The following PCDHGA7 variants were observed in gnomAD, a reference collection of about 807,000 sequenced individuals.
PCDHGA7 encodes the protein protocadherin gamma-A7.
A neutral mutation model predicts 58.3 loss-of-function variants in PCDHGA7; 44 were observed. The observed-to-expected ratio is 0.75, with a 90% CI of 0.59 to 0.97. The LOEUF is 0.97. PCDHGA7 is among the 50% of genes least tolerant of loss of function. The pLI is 0.00. For missense variants in PCDHGA7, 1,266 were observed against 1,188.7 expected (o/e 1.06, Z -0.96); for synonymous variants, 516 against 504.2 (o/e 1.02, Z -0.31).
chr5:141,478,549 A>G lies in PCDHGA7; in HGVS notation c.2425-16258A>G, dbSNP rs369095515. 8 of 1,602,904 alleles carry G rather than the reference A, an allele frequency of 5.0e-6. No individual in the cohort carries two copies. In the African/African-American group the frequency reaches 1.1e-4, roughly 21 times the overall value. On this transcript the variant is annotated intron_variant, in intron 1 of 3. Coordinates refer to ENST00000518325, the MANE Select transcript of PCDHGA7 (RefSeq NM_018920.4). ...CAGAGAGCGCCCCTCCCGGACAGGT[A>G]AGGTTTAGCAAGTCATGCTTGACCC...
rs2099637746 is a variant in PCDHGA7, at chr5:141,486,980, A to G, written c.2425-7827A>G. Reference sequence around the variant, plus strand: ...TGCTGTGGACTTGGATTCAGGTTACAATGCTTGGGTTTCCTATCAGCTCCT... The same window carrying G: ...TGCTGTGGACTTGGATTCAGGTTACGATGCTTGGGTTTCCTATCAGCTCCT... On this transcript the variant is annotated intron_variant, in intron 1 of 3. Coordinates refer to ENST00000518325, the MANE Select transcript of PCDHGA7 (RefSeq NM_018920.4). This position sits in a 1 kb window ranked among gnomAD's most constrained non-coding sequence, Gnocchi z 5.0. The G allele has an allele frequency of 1.2e-6, 2 of 1,614,040 alleles. No individual in the cohort carries two copies. The highest frequency in any genetic ancestry group is 1.3e-5 in the African/African-American group (1 of 74,908).
At position 141,510,839 on chromosome 5, in the gene PCDHGA7, C is replaced by G. The variant is rs186647886; in HGVS notation, c.2573-108C>G. The stretch of plus-strand genomic sequence containing the variant: ...CTATATTCCCAGTGCTCAGCGTGGT[C>G]AAGGCCCAGGGTGCTGTATAGGCAT... On this transcript the variant is annotated intron_variant, in intron 3 of 3. Coordinates refer to ENST00000518325, the MANE Select transcript of PCDHGA7 (RefSeq NM_018920.4). The G allele has an allele frequency of 6.5e-5, 103 of 1,587,108 alleles. No individual in the cohort carries two copies. The East Asian group carries it at 1.6e-3, about 25-fold the overall frequency.
At chr5:141,461,394 G>A (rs2099014614) in intron 1 of PCDHGA7, among the ~76,000 whole-genome samples, 1 of 152,098 alleles carries the variant, frequency 6.6e-6, no homozygotes. Flanking sequence ...GATTAGCGAT[G>A]TTGAGCATTT....
chr5:141,423,082 G>T (rs1390567548), intron 1 of PCDHGA7: 3 of 1,614,078 alleles, frequency 1.9e-6, no homozygotes, highest in Non-Finnish European at 2.5e-6. Context: ...GGGACTCTTC[G>T]CGGTGGGGGA....
Position 141,495,011 on chromosome 5 carries a change from G to A in PCDHGA7, c.2483+146G>A, listed in dbSNP as rs2099758277. On this transcript the variant is annotated intron_variant, in intron 2 of 3. Coordinates refer to ENST00000518325, the MANE Select transcript of PCDHGA7 (RefSeq NM_018920.4). ...CCAGGGAGGTCTTGGTGTGCGGGGG[G>A]CTGGCACACAGACCCCGGAAGGAAG... is the stretch of plus-strand genomic sequence containing the variant. 4.6e-6 allele frequency: 7 copies of A among 1,512,044 alleles called. No individual in the cohort carries two copies. In the East Asian group the frequency reaches 1.5e-4, roughly 32 times the overall value. 93.7% of individuals were successfully genotyped at this position (1,512,044 alleles called of 1,614,324 possible).
intron 1 of PCDHGA7, among the ~76,000 whole-genome samples, chr5:141,402,766 A>T (rs1321674206): frequency 6.6e-6 from 1 of 152,232 alleles, no homozygotes; most frequent in African/African-American, 2.4e-5. Context: ...TCAGGACTCC[A>T]TCCGGATTTC....
chr5:141,404,227 A>G, intron 1 of PCDHGA7: 3 of 1,613,818 alleles, frequency 1.9e-6, no homozygotes, highest in East Asian at 2.2e-5. Context: ...TGACTGCAAC[A>G]GACAGAGGAA....
intron 2 of PCDHGA7, among the ~76,000 whole-genome samples, chr5:141,497,219 A>G (rs974609491): frequency 6.7e-6 from 1 of 149,602 alleles, no homozygotes; most frequent in South Asian, 2.1e-4. Context: ...TGGGGGGGGG[A>G]AGATCAGAGA....
chr5:141,421,665 C>G (rs1227312221), intron 1 of PCDHGA7: 4 of 1,613,854 alleles, frequency 2.5e-6, no homozygotes, highest in Non-Finnish European at 2.5e-6. Flanking sequence ...TCAGTGAGCA[C>G]GCAATTCCTG....
chr5:141,420,080 C>T (rs754438863), intron 1 of PCDHGA7: 2 of 1,614,010 alleles, frequency 1.2e-6, no homozygotes, highest in Non-Finnish European at 1.7e-6. Context: ...TGTGGGTCCC[C>T]CCAACTACAG....
intron 1 of PCDHGA7, chr5:141,398,400 C>T: frequency 6.8e-7 from 1 of 1,465,224 alleles, no homozygotes; most frequent in Non-Finnish European, 9.5e-7. Context: ...GCAGGCTAGA[C>T]AGGGAGGAGA....
chr5:141,427,151 G>A (rs1481629222), intron 1 of PCDHGA7: 1 of 456,934 alleles, frequency 2.2e-6, no homozygotes, highest in Admixed American at 2.3e-5. Flanking sequence ...TTGGAAATAT[G>A]TTTGTGCTAG....
At chr5:141,407,910 G>A in intron 1 of PCDHGA7, 1 of 428,786 alleles carries the variant, frequency 2.3e-6, no homozygotes, top group Non-Finnish European at 4.1e-6. Flanking sequence ...GAAAAACCGG[G>A]CTGCTGTCCC....
In PCDHGA7 at chr5:141,431,616, A is replaced by G. The variant is rs776151297; in HGVS notation, c.2424+46293A>G. 1 of 1,614,250 alleles carries G rather than the reference A, an allele frequency of 6.2e-7. No individual in the cohort carries two copies. Among genetic ancestry groups the G allele is most frequent in the Non-Finnish European group, 8.5e-7 (1 of 1,180,042 alleles). ...AGGTATTCCTTCCGGTATGTGGACG[A>G]CAAGGCGGCCCAAGTTTTCAAACTA... On this transcript the variant is annotated intron_variant, in intron 1 of 3. Transcript: ENST00000518325. This position sits in a 1 kb window ranked among gnomAD's most constrained non-coding sequence, Gnocchi z 4.8.
chr5:141,453,077 T>C (rs2098755487), intron 1 of PCDHGA7, among the ~76,000 whole-genome samples: 1 of 152,090 alleles, frequency 6.6e-6, no homozygotes, highest in African/African-American at 2.4e-5. Context: ...CACACTCTGG[T>C]TGATTAGTAT....
intron 1 of PCDHGA7, among the ~76,000 whole-genome samples, chr5:141,466,063 A>G (rs554503713): frequency 3.3e-5 from 5 of 152,268 alleles, no homozygotes; most frequent in Admixed American, 6.5e-5. Context: ...CGGAGCTTGC[A>G]GTGAGCTGAT....
intron 1 of PCDHGA7, chr5:141,391,283 A>G (rs2092334879): frequency 6.6e-6 from 1 of 152,120 alleles, no homozygotes; most frequent in African/African-American, 2.4e-5. Context: ...CAAATTGCTG[A>G]AAGAAGGAAA....
intron 1 of PCDHGA7, among the ~76,000 whole-genome samples, chr5:141,492,798 C>T (rs1219815576): frequency 6.6e-6 from 1 of 152,250 alleles, no homozygotes; most frequent in Non-Finnish European, 1.5e-5. Flanking sequence ...GACAGCAGGA[C>T]TGGGACTCCA....
intron 3 of PCDHGA7, among the ~76,000 whole-genome samples, chr5:141,507,590 T>C (rs531629336): frequency 1.3e-5 from 2 of 152,374 alleles, no homozygotes; most frequent in African/African-American, 4.8e-5. Context: ...AGTTGGCCTC[T>C]TGAGGGAAAT....
Sources: allele counts gnomAD v4.1 joint callset (sites outside exome capture counted in the v4.1 genomes callset), GRCh38; gene constraint gnomAD v4.1.1; non-coding constraint Gnocchi (gnomAD v3.1); transcripts MANE v1.5; gene names NCBI Gene and HGNC (gene_info 2026-07-23, HGNC 2026-07-21).